BCKDHB: variants seen among roughly 807,000 people sequenced by gnomAD.
BCKDHB encodes the protein branched chain keto acid dehydrogenase E1 subunit beta.
A neutral mutation model predicts 48.5 loss-of-function variants in BCKDHB; 41 were observed. The observed-to-expected ratio is 0.85, with a 90% CI of 0.66 to 1.10. The LOEUF (loss-of-function observed/expected upper bound fraction) is 1.10. Ranked by LOEUF, BCKDHB falls within the 50% of genes least tolerant of loss-of-function variation. The pLI is 0.00. For synonymous variants in BCKDHB, 201 were observed against 174.8 expected, an observed-to-expected ratio of 1.15 and a Z score of -1.18; for missense variants, 496 against 494.2, an observed-to-expected ratio of 1.00 and a Z score of -0.03.
rs74864151 is a variant in BCKDHB at position 80,148,210 on chromosome 6, C to T, written c.343+18981C>T. Among the ~76,000 whole-genome samples, 215 of 152,238 alleles carry T rather than the reference C, an allele frequency of 1.4e-3. 5 individuals are homozygous for T. The East Asian group carries it at 0.037, about 26-fold the overall frequency. ...CTGATACTGACCAAACTAATGCTTC[C>T]ATTGTCTTCATGATACTTTCTGGCT... On this transcript the variant is annotated intron_variant, in intron 3 of 9. Transcript: ENST00000320393.
chr6:80,309,154 C>T (rs988305575), intron 9 of BCKDHB, among the ~76,000 whole-genome samples: 26 of 151,746 alleles, frequency 1.7e-4, no homozygotes, highest in Non-Finnish European at 7.4e-5. Flanking sequence ...ACCTCCGCCT[C>T]CCAGGTTCAA....
the BCKDHB span, among the ~76,000 whole-genome samples, chr6:80,420,047 T>C: frequency 6.6e-6 from 1 of 152,194 alleles, no homozygotes; most frequent in African/African-American, 2.4e-5. Context: ...TCATGTATTA[T>C]TTTCCTGATG....
chr6:80,442,705 A>C, the BCKDHB span, among the ~76,000 whole-genome samples: 1 of 152,146 alleles, frequency 6.6e-6, no homozygotes, highest in African/African-American at 2.4e-5. Flanking sequence ...AACACACTCA[A>C]GGCTAAGCTA....
intron 2 of BCKDHB, among the ~76,000 whole-genome samples, chr6:80,128,227 T>C (rs72906894): frequency 0.083 from 12,648 of 152,016 alleles, 613 homozygotes; most frequent in African/African-American, 0.11. Context: ...GACTATACAT[T>C]GGGCTTCCAC....
intron 3 of BCKDHB, among the ~76,000 whole-genome samples, chr6:80,161,044 A>T (rs747562513): frequency 6.6e-6 from 1 of 152,154 alleles, no homozygotes; most frequent in Admixed American, 6.6e-5. Flanking sequence ...ACTGTTTCAG[A>T]GTGGGCATAG....
chr6:80,413,676 C>T, the BCKDHB span, among the ~76,000 whole-genome samples: 5 of 152,196 alleles, frequency 3.3e-5, no homozygotes, highest in Non-Finnish European at 7.4e-5. Context: ...ATATATACTA[C>T]ATTTTCTTTA....
intron 3 of BCKDHB, among the ~76,000 whole-genome samples, chr6:80,134,599 AAC>A (rs1241401848): frequency 1.3e-5 from 2 of 152,026 alleles, no homozygotes; most frequent in Non-Finnish European, 2.9e-5. Context: ...TAAAAAGAGG[AAC>A]ACAGTTTTTT....
At chr6:80,110,296 A>G (rs919442054) in intron 1 of BCKDHB, among the ~76,000 whole-genome samples, 1 of 152,166 alleles carries the variant, frequency 6.6e-6, no homozygotes, top group Non-Finnish European at 1.5e-5. Context: ...ACTCTCTGCT[A>G]GCTGCTAAGG....
At chr6:80,157,098 C>T (rs956217519) in intron 3 of BCKDHB, among the ~76,000 whole-genome samples, 1 of 152,090 alleles carries the variant, frequency 6.6e-6, no homozygotes, top group South Asian at 2.1e-4. Context: ...GTCTATGATA[C>T]TGAACATTAT....
intron 6 of BCKDHB, among the ~76,000 whole-genome samples, chr6:80,187,719 CGAGAAAA>C (rs1562119866): frequency 6.6e-6 from 1 of 151,914 alleles, no homozygotes; most frequent in Non-Finnish European, 1.5e-5. Context: ...AACAAGCATA[CGAGAAAA>C]TGCTCAACAT....
intron 9 of BCKDHB, among the ~76,000 whole-genome samples, chr6:80,293,895 C>T (rs1238472964): frequency 2.0e-5 from 3 of 152,154 alleles, no homozygotes; most frequent in Non-Finnish European, 4.4e-5. Flanking sequence ...ACAAGAGTAA[C>T]GTTTACACCA....
chr6:80,129,576 C>T (rs1770524127), intron 3 of BCKDHB, among the ~76,000 whole-genome samples: 1 of 151,932 alleles, frequency 6.6e-6, no homozygotes, highest in Admixed American at 6.6e-5. Context: ...GAGATTCTGC[C>T]TGTTGGGTCT....
the BCKDHB span, among the ~76,000 whole-genome samples, chr6:80,453,516 A>G: frequency 6.6e-6 from 1 of 152,218 alleles, no homozygotes; most frequent in Non-Finnish European, 1.5e-5. Flanking sequence ...GTGTGGTCCT[A>G]TGTGTCTGGG....
intron 8 of BCKDHB, among the ~76,000 whole-genome samples, chr6:80,261,509 C>T (rs1232022238): frequency 1.3e-5 from 2 of 152,026 alleles, no homozygotes; most frequent in Admixed American, 6.6e-5. Context: ...TACTCATTCA[C>T]TCAGCAAATA....
At chr6:80,362,497 C>T in the BCKDHB span, among the ~76,000 whole-genome samples, 1 of 152,096 alleles carries the variant, frequency 6.6e-6, no homozygotes, top group Non-Finnish European at 1.5e-5. Flanking sequence ...AGTGTCTTTT[C>T]TTGTGGGAAT....
chr6:80,259,827 T>C (rs1344250714), intron 8 of BCKDHB, among the ~76,000 whole-genome samples: 3 of 152,172 alleles, frequency 2.0e-5, no homozygotes, highest in East Asian at 3.9e-4. Context: ...TATTTTTGAA[T>C]GTAGTTAAGA....
intron 8 of BCKDHB, among the ~76,000 whole-genome samples, chr6:80,247,922 A>G (rs1038025664): frequency 6.6e-6 from 1 of 152,220 alleles, no homozygotes; most frequent in African/African-American, 2.4e-5. Context: ...CTTAGTTACT[A>G]TTAAAAATCT....
At chr6:80,239,685 C>T (rs113075621) in intron 8 of BCKDHB, among the ~76,000 whole-genome samples, 5,615 of 152,162 alleles carry the variant, frequency 0.037, 332 homozygotes, top group African/African-American at 0.13. Context: ...CCCATGCCTA[C>T]GTCCTGAATA....
intron 8 of BCKDHB, among the ~76,000 whole-genome samples, chr6:80,254,221 T>C (rs145585929): frequency 5.4e-4 from 82 of 151,754 alleles, no homozygotes; most frequent in Middle Eastern, 3.4e-3. Context: ...TATTATTTAC[T>C]TTATTTCTAT....
Sources: allele counts gnomAD v4.1 joint callset (sites outside exome capture counted in the v4.1 genomes callset), GRCh38; gene constraint gnomAD v4.1.1; transcripts MANE v1.5; gene names NCBI Gene and HGNC (gene_info 2026-07-23, HGNC 2026-07-21).